Variants in MAST2 observed in about 807,000 individuals in gnomAD.
MAST2 encodes the protein microtubule associated serine/threonine kinase 2, also known as microtubule-associated serine/threonine-protein kinase 2.
A neutral mutation model predicts 147.4 loss-of-function variants in MAST2; 70 were observed. The observed-to-expected ratio is 0.47, with a 90% CI of 0.39 to 0.58. The LOEUF (loss-of-function observed/expected upper bound fraction) is 0.58. Among genes scored for constraint, MAST2 ranks in the 20% least tolerant of loss-of-function variants. MAST2 has a pLI of 0.00. For synonymous variants in MAST2, 869 were observed against 896.8 expected, an observed-to-expected ratio of 0.97 and a Z score of 0.55; for missense variants, 2,080 against 2,302.3, an observed-to-expected ratio of 0.90 and a Z score of 1.98.
intron 3 of MAST2, among the ~76,000 whole-genome samples, chr1:45,833,058 G>GAA (rs10688312): frequency 0.45 from 67,647 of 151,762 alleles, 15,255 homozygotes; most frequent in East Asian, 0.62. Flanking sequence ...GTGGCCTTTT[G>GAA]TGGCGGCTGC....
At chr1:45,911,245 A>G (rs770935290) in intron 4 of MAST2, among the ~76,000 whole-genome samples, 1 of 152,234 alleles carries the variant, frequency 6.6e-6, no homozygotes, top group Non-Finnish European at 1.5e-5. Context: ...TTCTAATGCC[A>G]CTAAAGAAAG....
intron 4 of MAST2, among the ~76,000 whole-genome samples, chr1:45,938,628 A>G (rs983902359): frequency 4.6e-5 from 7 of 152,152 alleles, no homozygotes; most frequent in Non-Finnish European, 8.8e-5. Context: ...CGCCCAAACT[A>G]TGTTTACCTT....
At chr1:45,832,515 GA>G (rs1644989892) in intron 3 of MAST2, among the ~76,000 whole-genome samples, 1 of 152,040 alleles carries the variant, frequency 6.6e-6, no homozygotes, top group Admixed American at 6.5e-5. Context: ...GGCTGGTCTT[GA>G]ACTGCTGCCT....
At chr1:45,836,182 T>C (rs115562052) in intron 3 of MAST2, among the ~76,000 whole-genome samples, 1,844 of 152,332 alleles carry the variant, frequency 0.012, 30 homozygotes, top group African/African-American at 0.039. Flanking sequence ...TACCACACTT[T>C]TGGTTTGCTA....
At chr1:45,924,846 C>G (rs531423270) in intron 4 of MAST2, among the ~76,000 whole-genome samples, 6 of 152,214 alleles carry the variant, frequency 3.9e-5, no homozygotes, top group African/African-American at 1.2e-4. Context: ...CAGACAAGCA[C>G]AGAGGGAAGG....
intron 4 of MAST2, among the ~76,000 whole-genome samples, chr1:45,896,100 G>A (rs543069133): frequency 6.6e-6 from 1 of 150,600 alleles, no homozygotes; most frequent in East Asian, 2.0e-4. Context: ...GAGTGCAGTG[G>A]CACTGCAACC....
At chr1:45,937,641 A>T (rs1656452031) in intron 4 of MAST2, among the ~76,000 whole-genome samples, 1 of 151,190 alleles carries the variant, frequency 6.6e-6, no homozygotes, top group African/African-American at 2.4e-5. Context: ...AATCCCAGCT[A>T]CTTGGGAGGC....
At chr1:45,874,083 A>G (rs937370190) in intron 3 of MAST2, among the ~76,000 whole-genome samples, 32 of 152,166 alleles carry the variant, frequency 2.1e-4, no homozygotes, top group African/African-American at 7.7e-4. Context: ...GGCATCCCAA[A>G]GTGCTGGGAT....
chr1:45,970,869 G>C (rs1286908349), intron 5 of MAST2, among the ~76,000 whole-genome samples: 1 of 146,410 alleles, frequency 6.8e-6, no homozygotes, highest in East Asian at 2.1e-4. Flanking sequence ...CAACTCCTAA[G>C]CTCTTTACAT....
chr1:45,819,411 A>G (rs1246502747), intron 1 of MAST2, among the ~76,000 whole-genome samples: 1 of 152,208 alleles, frequency 6.6e-6, no homozygotes, highest in Non-Finnish European at 1.5e-5. Context: ...TTGGAAAAGA[A>G]GTCAAATTAT....
intron 10 of MAST2, among the ~76,000 whole-genome samples, chr1:46,017,744 G>A (rs1422488717): frequency 2.0e-5 from 3 of 152,130 alleles, no homozygotes; most frequent in African/African-American, 7.2e-5. Context: ...TTCAACCATT[G>A]TGGAAGTCAG....
At chr1:45,861,093 A>G (rs369691482) in intron 3 of MAST2, among the ~76,000 whole-genome samples, 1 of 152,190 alleles carries the variant, frequency 6.6e-6, no homozygotes, top group South Asian at 2.1e-4. Flanking sequence ...ACCAGTTCTC[A>G]GACTTACCAG....
chr1:45,965,178 G>A (rs1164299464), intron 5 of MAST2, among the ~76,000 whole-genome samples: 2 of 152,136 alleles, frequency 1.3e-5, no homozygotes, highest in African/African-American at 2.4e-5. Flanking sequence ...TGTGGTGCTG[G>A]GAAGAATGTA....
At chr1:45,958,237 A>G (rs1034971371) in intron 4 of MAST2, among the ~76,000 whole-genome samples, 2 of 152,116 alleles carry the variant, frequency 1.3e-5, no homozygotes, top group Admixed American at 1.3e-4. Flanking sequence ...TCAGCCCTAC[A>G]GAGTCTGGCT....
At chr1:45,919,550 A>C (rs1286438796) in intron 4 of MAST2, among the ~76,000 whole-genome samples, 13 of 152,252 alleles carry the variant, frequency 8.5e-5, no homozygotes. Context: ...TAAATTCCAC[A>C]GACAGTTTGG....
chr1:45,930,165 C>T (rs890258073), intron 4 of MAST2, among the ~76,000 whole-genome samples: 5 of 152,190 alleles, frequency 3.3e-5, no homozygotes, highest in East Asian at 1.9e-4. Context: ...CTGCATCCTC[C>T]GCCTCCAGGT....
At chr1:45,880,932 C>T (rs1040244363) in intron 3 of MAST2, among the ~76,000 whole-genome samples, 5 of 142,964 alleles carry the variant, frequency 3.5e-5, no homozygotes, top group East Asian at 2.1e-4. Context: ...GAACCGAGAT[C>T]GGCCAGCCTG....
chr1:46,014,335 C>G (rs1175782461), intron 10 of MAST2, among the ~76,000 whole-genome samples: 953 of 102,872 alleles, frequency 9.3e-3, no homozygotes, highest in East Asian at 0.021. Flanking sequence ...CTCCCCCCAC[C>G]CCACAACAGT....
At chr1:46,027,609 A>AC (rs769301541) in intron 16 of MAST2, 122 bp from the exon 17 acceptor site, 78 of 1,037,970 alleles carry the variant, frequency 7.5e-5, no homozygotes, top group Non-Finnish European at 1.0e-4. Flanking sequence ...AGCTGAAGCT[A>AC]CCCAGCTTGT....
Sources: gnomAD v4.1 joint callset for allele counts (sites outside exome capture counted in the v4.1 genomes callset) on GRCh38, gnomAD v4.1.1 for gene constraint, MANE v1.5 for transcripts, NCBI Gene and HGNC (gene_info 2026-07-23, HGNC 2026-07-21) for gene names.